The following RBFOX1 variants were observed in gnomAD, a reference collection of about 807,000 sequenced individuals.
The protein encoded by RBFOX1 is RNA binding fox-1 homolog 1.
Under a neutral mutation model 57.7 loss-of-function variants are expected in RBFOX1, and 8 were observed. That is an observed-to-expected ratio of 0.14 (90% CI 0.08 to 0.25). The LOEUF (loss-of-function observed/expected upper bound fraction) is 0.25, where lower values mean the gene tolerates loss of function less well. Among genes scored for constraint, RBFOX1 ranks in the 10% least tolerant of loss-of-function variants. The pLI, the probability that RBFOX1 is intolerant of heterozygous loss-of-function variation, is 1.00. For synonymous variants in RBFOX1, 326 were observed against 222.4 expected, an observed-to-expected ratio of 1.47 and a Z score of -4.15; for missense variants, 611 against 548.5, an observed-to-expected ratio of 1.11 and a Z score of -1.14.
intron 1 of RBFOX1, among the ~76,000 whole-genome samples, chr16:6,171,733 C>T (rs1222236633): frequency 1.3e-5 from 2 of 152,184 alleles, no homozygotes; most frequent in African/African-American, 4.8e-5. Context: ...AGAAAAGCGG[C>T]ATACATCTTC....
At chr16:7,565,695 A>G (rs934074432) in intron 5 of RBFOX1, among the ~76,000 whole-genome samples, 1 of 152,222 alleles carries the variant, frequency 6.6e-6, no homozygotes, top group Non-Finnish European at 1.5e-5. Flanking sequence ...TAATGCCTCG[A>G]AGACACTCAG....
chr16:6,171,453 C>T (rs2096959953), intron 1 of RBFOX1, among the ~76,000 whole-genome samples: 1 of 152,116 alleles, frequency 6.6e-6, no homozygotes. Context: ...AACTAGAGCT[C>T]AACAGTGCCA....
At chr16:7,705,362 G>A (rs575410371) in intron 14 of RBFOX1, among the ~76,000 whole-genome samples, 2 of 152,174 alleles carry the variant, frequency 1.3e-5, no homozygotes, top group South Asian at 2.1e-4. Context: ...AAAATTAGCT[G>A]GGTGTGGTGG....
intron 4 of RBFOX1, among the ~76,000 whole-genome samples, chr16:7,190,325 C>G (rs777979547): frequency 6.6e-6 from 1 of 152,160 alleles, no homozygotes; most frequent in Admixed American, 6.5e-5. Context: ...CACCACCGTA[C>G]TCCAGCCTGG....
chr16:5,658,510 A>C (rs1174295545), intron 3 of RBFOX1, among the ~76,000 whole-genome samples: 3 of 151,784 alleles, frequency 2.0e-5, no homozygotes, highest in Non-Finnish European at 4.4e-5. Flanking sequence ...TTCCAATTTA[A>C]CTCACTCTGT....
chr16:7,263,029 G>A (rs1047999780), intron 4 of RBFOX1, among the ~76,000 whole-genome samples: 2 of 152,210 alleles, frequency 1.3e-5, no homozygotes, highest in African/African-American at 4.8e-5. Context: ...TGCAGCCTCT[G>A]CAGGTGGAAT....
chr16:7,629,999 C>T (rs951816702), intron 10 of RBFOX1, among the ~76,000 whole-genome samples: 5 of 152,216 alleles, frequency 3.3e-5, no homozygotes, highest in African/African-American at 9.6e-5. Context: ...TACTTCTGTT[C>T]TTCCTCTGAA....
At chr16:7,419,238 G>A (rs561161432) in intron 4 of RBFOX1, among the ~76,000 whole-genome samples, 4 of 152,154 alleles carry the variant, frequency 2.6e-5, no homozygotes, top group Admixed American at 6.5e-5. Context: ...TTTTTATCAT[G>A]TCCTTAGTCT....
At chr16:7,254,148 C>T (rs2094587829) in intron 4 of RBFOX1, among the ~76,000 whole-genome samples, 1 of 152,088 alleles carries the variant, frequency 6.6e-6, no homozygotes, top group South Asian at 2.1e-4. Context: ...CCTTGTTTGT[C>T]AATGAGAAGA....
At chr16:5,698,304 T>G (rs1005866416) in intron 3 of RBFOX1, among the ~76,000 whole-genome samples, 1 of 152,190 alleles carries the variant, frequency 6.6e-6, no homozygotes, top group Non-Finnish European at 1.5e-5. Context: ...GGTAGAAAGT[T>G]ATCTTTTCCT....
At chr16:6,739,207 A>T (rs2071323305) in intron 3 of RBFOX1, among the ~76,000 whole-genome samples, 1 of 151,966 alleles carries the variant, frequency 6.6e-6, no homozygotes, top group African/African-American at 2.4e-5. Flanking sequence ...AAAAATATAG[A>T]AGAAAATGGC....
chr16:6,100,851 T>C (rs2096297818), intron 1 of RBFOX1, among the ~76,000 whole-genome samples: 1 of 152,168 alleles, frequency 6.6e-6, no homozygotes, highest in Admixed American at 6.5e-5. Context: ...ATCACCCTCT[T>C]ATAGGAATGT....
At chr16:6,369,013 C>T (rs1204234159) in intron 2 of RBFOX1, among the ~76,000 whole-genome samples, 2 of 152,008 alleles carry the variant, frequency 1.3e-5, no homozygotes, top group Non-Finnish European at 2.9e-5. Flanking sequence ...TGAAAACATG[C>T]TTGTGTAAAA....
chr16:7,052,083 A>G lies in RBFOX1; in HGVS notation c.12A>G (p.Glu4=). 1 of 1,611,880 alleles carries G rather than the reference A, an allele frequency of 6.2e-7. No individual in the cohort carries two copies. The highest frequency in any genetic ancestry group is 8.5e-7 in the Non-Finnish European group (1 of 1,179,354). The change falls in exon 4 of 16, where the codon GAA becomes GAG. Residue 4 remains glutamate, a synonymous_variant. Transcript: ENST00000550418. ...TTTCAAGACAACAGATGAATTGTGA[A>G]AGAGAGCAGCTAAGGGTAGGTGCAC... The part of the protein sequence containing the change: MNC[E]REQLRGNQEA...
At chr16:5,289,889 G>A (rs2063492369) in intron 1 of RBFOX1, among the ~76,000 whole-genome samples, 1 of 152,218 alleles carries the variant, frequency 6.6e-6, no homozygotes, top group Non-Finnish European at 1.5e-5. Context: ...TGAAAGAAAT[G>A]AAAATATATG....
chr16:5,323,665 T>G (rs1245272163), intron 1 of RBFOX1, among the ~76,000 whole-genome samples: 1 of 152,238 alleles, frequency 6.6e-6, no homozygotes, highest in East Asian at 1.9e-4. Flanking sequence ...ACTTAGTTAT[T>G]TATATGTTAA....
chr16:6,903,627 C>T (rs971123452), intron 3 of RBFOX1, among the ~76,000 whole-genome samples: 2 of 152,090 alleles, frequency 1.3e-5, no homozygotes, highest in Non-Finnish European at 2.9e-5. Context: ...TATAAATGCT[C>T]CTGGGGACTG....
At chr16:6,860,447 C>T (rs148684313) in intron 3 of RBFOX1, among the ~76,000 whole-genome samples, 1,788 of 152,266 alleles carry the variant, frequency 0.012, 20 homozygotes, top group Non-Finnish European at 0.019. Context: ...GGGCAGCGGG[C>T]GCTCTACCGT....
chr16:7,047,235 C>G (rs2048296862), intron 3 of RBFOX1, among the ~76,000 whole-genome samples: 1 of 152,106 alleles, frequency 6.6e-6, no homozygotes, highest in Non-Finnish European at 1.5e-5. Flanking sequence ...TATTTTAGGG[C>G]AGGTCTGTCT....
Sources: allele counts gnomAD v4.1 joint callset (sites outside exome capture counted in the v4.1 genomes callset), GRCh38; gene constraint gnomAD v4.1.1; transcripts MANE v1.5; gene names NCBI Gene and HGNC (gene_info 2026-07-23, HGNC 2026-07-21).